USH2A: variants seen among roughly 807,000 people sequenced by gnomAD.
USH2A encodes Usher syndrome 2A (autosomal recessive, mild).
USH2A carries 443 observed loss-of-function variants against 538.9 expected under a neutral mutation model. That is an observed-to-expected ratio of 0.82 (90% confidence interval 0.76 to 0.89). The LOEUF (loss-of-function observed/expected upper bound fraction) is 0.89, where lower values mean the gene tolerates loss of function less well. USH2A is among the 40% of genes least tolerant of loss of function. USH2A has a pLI of 0.00. For synonymous variants in USH2A, 2,413 were observed against 2,273.5 expected (o/e 1.06, Z -1.75); for missense variants, 6,633 against 6,324.8 (o/e 1.05, Z -1.65).
chr1:215,989,259 G>A (rs920946456), intron 35 of USH2A, among the ~76,000 whole-genome samples: 2 of 152,150 alleles, frequency 1.3e-5, no homozygotes, highest in Admixed American at 1.3e-4. Context: ...AAACCTGAGT[G>A]TGCAAAACCA....
rs951694532 is a variant in USH2A, at chr1:216,199,608, C to A, written c.3811+19G>T. On this transcript the variant is annotated intron_variant, in intron 17 of 71. Transcript: ENST00000307340. ...TCATGTCTTGACCAAAAAGGGGAAT[C>A]TCAGCCTTGGATTCTTACCATTTAG... 2.5e-6 allele frequency: 4 copies of A among 1,613,642 alleles called. No homozygotes were observed. Among genetic ancestry groups the A allele is most frequent in the Non-Finnish European group, 3.4e-6 (4 of 1,179,976 alleles).
chr1:216,319,348 A>C (rs2037565706), intron 9 of USH2A, among the ~76,000 whole-genome samples: 1 of 152,192 alleles, frequency 6.6e-6, no homozygotes, highest in Non-Finnish European at 1.5e-5. Context: ...GTGAAGAATA[A>C]ATCAATCAAG....
At chr1:215,727,200 TAC>T (rs1213141404) in intron 61 of USH2A, among the ~76,000 whole-genome samples, 2 of 151,984 alleles carry the variant, frequency 1.3e-5, no homozygotes, top group Non-Finnish European at 2.9e-5. Context: ...AATACATATA[TAC>T]ACACACATAC....
intron 47 of USH2A, among the ~76,000 whole-genome samples, chr1:215,836,341 A>G (rs1663481628): frequency 6.8e-6 from 1 of 146,142 alleles, no homozygotes; most frequent in Admixed American, 7.1e-5. Context: ...TGTTTTTTAC[A>G]TTGTTCTATA....
chr1:216,023,925 C>T (rs935592980), intron 32 of USH2A, among the ~76,000 whole-genome samples: 1 of 151,980 alleles, frequency 6.6e-6, no homozygotes, highest in African/African-American at 2.4e-5. Flanking sequence ...CAAAAGCCTC[C>T]TCACATTCCC....
intron 2 of USH2A, among the ~76,000 whole-genome samples, chr1:216,421,124 T>C (rs1197652654): frequency 6.6e-6 from 1 of 152,044 alleles, no homozygotes; most frequent in Non-Finnish European, 1.5e-5. Flanking sequence ...TGAGAAAAGA[T>C]TACAGAATGA....
intron 45 of USH2A, 121 bp from the exon 46 acceptor site, chr1:215,844,617 A>G (rs1429664385): frequency 9.8e-7 from 1 of 1,020,814 alleles, no homozygotes; most frequent in Non-Finnish European, 1.5e-6. Flanking sequence ...CTTTTCGCTG[A>G]TGAAGTTATC....
intron 55 of USH2A, among the ~76,000 whole-genome samples, chr1:215,770,732 C>T (rs1661253111): frequency 6.6e-6 from 1 of 151,946 alleles, no homozygotes; most frequent in African/African-American, 2.4e-5. Context: ...GCTGTGCACG[C>T]TATTATTTGT....
intron 13 of USH2A, among the ~76,000 whole-genome samples, chr1:216,244,413 C>G (rs1192660111): frequency 6.6e-6 from 1 of 152,088 alleles, no homozygotes; most frequent in Admixed American, 6.6e-5. Context: ...GGTAACCCTA[C>G]AGGAGAATGA....
intron 60 of USH2A, among the ~76,000 whole-genome samples, chr1:215,734,356 T>C (rs78927303): frequency 1.4e-3 from 208 of 152,300 alleles, no homozygotes; most frequent in African/African-American, 4.8e-3. Context: ...CATTCTTTCC[T>C]CCTAGGCCTC....
intron 43 of USH2A, among the ~76,000 whole-genome samples, chr1:215,875,182 CT>C (rs1375015936): frequency 6.6e-6 from 1 of 152,126 alleles, no homozygotes; most frequent in African/African-American, 2.4e-5. Context: ...CCCCCTTGGG[CT>C]AAAGGCACTC....
At chr1:216,332,007 A>T (rs115430189) in intron 4 of USH2A, among the ~76,000 whole-genome samples, 1 of 152,288 alleles carries the variant, frequency 6.6e-6, no homozygotes, top group South Asian at 2.1e-4. Context: ...GAATATTGGT[A>T]AGAACAACAT....
At chr1:216,291,587 TA>T (rs1336389514) in intron 10 of USH2A, among the ~76,000 whole-genome samples, 13 of 152,344 alleles carry the variant, frequency 8.5e-5, no homozygotes, top group African/African-American at 3.1e-4. Context: ...AGATATATGC[TA>T]TTATATTTCA....
chr1:215,816,693 A>T (rs1161034302), intron 48 of USH2A, among the ~76,000 whole-genome samples: 1 of 152,056 alleles, frequency 6.6e-6, no homozygotes, highest in Non-Finnish European at 1.5e-5. Context: ...ATAAACAAAC[A>T]CCTATTTGTA....
At chr1:216,002,963 C>T (rs1365300545) in intron 32 of USH2A, among the ~76,000 whole-genome samples, 7 of 152,054 alleles carry the variant, frequency 4.6e-5, no homozygotes, top group Non-Finnish European at 1.0e-4. Context: ...AAACTGCATG[C>T]GTTGAAGGTG....
intron 61 of USH2A, among the ~76,000 whole-genome samples, chr1:215,701,262 G>A (rs1264978900): frequency 1.3e-5 from 2 of 152,196 alleles, no homozygotes; most frequent in Non-Finnish European, 2.9e-5. Flanking sequence ...ATGTGGTGCT[G>A]AGAAGAAAGT....
rs2102778576 is a variant in USH2A at position 215,798,974 on chromosome 1, T to C, written c.9891A>G (p.Arg3297=). The change falls in exon 50 of 72, where the codon AGA becomes AGG. Residue 3297 remains arginine, a synonymous_variant. Coordinates refer to ENST00000307340, the MANE Select transcript of USH2A (RefSeq NM_206933.4). ...HDGHGQKCCG[R]QIVSNDLECC... ...ACTCTAAATCGTTGCTCACAATCTG[T>C]CTGCCACAGCACTTCTGGCCATGGC... is the stretch of plus-strand genomic sequence containing the variant. The C allele has an allele frequency of 6.2e-7, 1 of 1,614,148 alleles. No individual in the cohort carries two copies. Among genetic ancestry groups the C allele is most frequent in the Non-Finnish European group, 8.5e-7 (1 of 1,180,006 alleles).
intron 37 of USH2A, among the ~76,000 whole-genome samples, chr1:215,940,952 G>T (rs1449787097): frequency 6.6e-6 from 1 of 150,976 alleles, no homozygotes; most frequent in Admixed American, 6.6e-5. Context: ...TAGATATCGA[G>T]AATCTTTATG....
chr1:215,915,529 C>A (rs1011041484), intron 38 of USH2A, among the ~76,000 whole-genome samples: 31 of 151,950 alleles, frequency 2.0e-4, no homozygotes, highest in Non-Finnish European at 3.7e-4. Context: ...TGTTTAGTAA[C>A]TTTTTTCTCT....
Sources: gnomAD v4.1 joint callset for allele counts (sites outside exome capture counted in the v4.1 genomes callset) on GRCh38, gnomAD v4.1.1 for gene constraint, MANE v1.5 for transcripts, NCBI Gene and HGNC (gene_info 2026-07-23, HGNC 2026-07-21) for gene names.